MDGA2: variants seen among roughly 807,000 people sequenced by gnomAD.
MDGA2 encodes MAM domain containing glycosylphosphatidylinositol anchor 2.
Under a neutral mutation model 117.8 loss-of-function variants are expected in MDGA2, and 40 were observed. That is an observed-to-expected ratio of 0.34 (90% CI 0.26 to 0.44). The LOEUF is 0.44. MDGA2 is among the 20% of genes least tolerant of loss of function. The probability of loss-of-function intolerance (pLI) is 1.00; values close to 1 mark genes in which losing one functional copy is unlikely to be tolerated. For missense variants in MDGA2, 1,123 were observed against 1,250.6 expected (o/e 0.90, Z 1.54); for synonymous variants, 452 against 439.0 (o/e 1.03, Z -0.37).
chr14:47,258,927 C>T (rs954935654), intron 2 of MDGA2, among the ~76,000 whole-genome samples: 24 of 151,816 alleles, frequency 1.6e-4, no homozygotes, highest in Non-Finnish European at 2.2e-4. Flanking sequence ...CAGTGCCATA[C>T]TAAATCATCA....
Position 47,451,735 on chromosome 14 carries a change from T to G in MDGA2, c.281-150185A>C, listed in dbSNP as rs544012645. Among the ~76,000 whole-genome samples the G allele has an allele frequency of 5.3e-5, 8 of 152,256 alleles. No individual in the cohort carries two copies. The East Asian group carries it at 1.5e-3, about 29-fold the overall frequency. On this transcript the variant is annotated intron_variant, in intron 1 of 16. Coordinates refer to ENST00000399232, the MANE Select transcript of MDGA2 (RefSeq NM_001113498.3). ...GTTCAATATAATGAGATTTCTGTCC[T>G]GCCCAGTGGATTTTTTTATCCTCCT...
At chr14:46,882,871 A>G (rs1882519075) in intron 10 of MDGA2, among the ~76,000 whole-genome samples, 1 of 151,934 alleles carries the variant, frequency 6.6e-6, no homozygotes, top group Non-Finnish European at 1.5e-5. Flanking sequence ...AAGGGTAGGA[A>G]TTTACCATGG....
At chr14:47,434,256 A>G (rs1892854936) in intron 1 of MDGA2, among the ~76,000 whole-genome samples, 1 of 152,132 alleles carries the variant, frequency 6.6e-6, no homozygotes. Flanking sequence ...AATAATACTC[A>G]GATACAGACC....
chr14:47,595,786 T>G (rs182479735), intron 1 of MDGA2, among the ~76,000 whole-genome samples: 3 of 152,110 alleles, frequency 2.0e-5, no homozygotes, highest in African/African-American at 7.2e-5. Context: ...TAGTGACATA[T>G]AGTGATCTCT....
intron 3 of MDGA2, among the ~76,000 whole-genome samples, chr14:47,193,913 G>A (rs997080307): frequency 6.6e-6 from 1 of 152,104 alleles, no homozygotes; most frequent in Non-Finnish European, 1.5e-5. Flanking sequence ...TACTTTAGTC[G>A]TATGGTATAG....
rs1447659028 is a variant in MDGA2, at chr14:47,248,197, A to G, written c.421-30002T>C. ...TTGCTGGGTCAAATGGTATTGTTAA[A>G]TAAGTGAAAAAATAAATAAAAAAAA... On this transcript the variant is annotated intron_variant, in intron 2 of 16. Coordinates refer to ENST00000399232, the MANE Select transcript of MDGA2 (RefSeq NM_001113498.3). Among the ~76,000 whole-genome samples the G allele has an allele frequency of 2.6e-5, 4 of 151,592 alleles. 1 individual carries two copies. Among genetic ancestry groups the G allele is most frequent in the Admixed American group, 1.3e-4 (2 of 15,218 alleles).
chr14:46,984,531 C>T (rs1445617210), intron 8 of MDGA2, among the ~76,000 whole-genome samples: 2 of 151,918 alleles, frequency 1.3e-5, no homozygotes, highest in East Asian at 3.9e-4. Context: ...ATATCAAAAT[C>T]ATGATAGTGG....
intron 1 of MDGA2, among the ~76,000 whole-genome samples, chr14:47,314,721 T>C (rs1233128949): frequency 2.0e-5 from 3 of 151,996 alleles, no homozygotes; most frequent in African/African-American, 7.2e-5. Flanking sequence ...AGGGAAAAGA[T>C]ATGAACAAGT....
chr14:47,252,552 T>C (rs1887481973), intron 2 of MDGA2, among the ~76,000 whole-genome samples: 1 of 152,160 alleles, frequency 6.6e-6, no homozygotes, highest in Admixed American at 6.5e-5. Context: ...TTTTAAAAAA[T>C]TGAATCTGTT....
At chr14:46,866,897 T>A (rs1881790043) in intron 14 of MDGA2, among the ~76,000 whole-genome samples, 1 of 152,146 alleles carries the variant, frequency 6.6e-6, no homozygotes, top group East Asian at 1.9e-4. Context: ...AAACAACAGA[T>A]GCTGGAGAGG....
intron 1 of MDGA2, among the ~76,000 whole-genome samples, chr14:47,486,431 T>C (rs1455361325): frequency 1.3e-5 from 2 of 152,288 alleles, no homozygotes; most frequent in East Asian, 3.9e-4. Flanking sequence ...AAGGGACTTG[T>C]CTTCTCTTGG....
chr14:47,107,556 C>G (rs1880780982), intron 5 of MDGA2, among the ~76,000 whole-genome samples: 1 of 151,994 alleles, frequency 6.6e-6, no homozygotes, highest in African/African-American at 2.4e-5. Flanking sequence ...CGCAAAGCTT[C>G]ACAGACAGCC....
At chr14:47,025,204 T>C (rs1888429124) in intron 8 of MDGA2, among the ~76,000 whole-genome samples, 1 of 152,208 alleles carries the variant, frequency 6.6e-6, no homozygotes, top group East Asian at 1.9e-4. Flanking sequence ...TTTTCCCTAC[T>C]GTACAAGAAT....
intron 1 of MDGA2, among the ~76,000 whole-genome samples, chr14:47,480,953 AT>A (rs1259180082): frequency 6.6e-6 from 1 of 151,964 alleles, no homozygotes; most frequent in Non-Finnish European, 1.5e-5. Flanking sequence ...TATAATGGTA[AT>A]CTTCATCTTG....
chr14:47,584,459 C>CA (rs1356271222), intron 1 of MDGA2, among the ~76,000 whole-genome samples: 8 of 151,898 alleles, frequency 5.3e-5, no homozygotes, highest in African/African-American at 1.9e-4. Flanking sequence ...ATAAATAAGA[C>CA]AGAGCTTTAT....
At chr14:47,216,967 G>T (rs1249638011) in intron 3 of MDGA2, among the ~76,000 whole-genome samples, 1 of 151,982 alleles carries the variant, frequency 6.6e-6, no homozygotes, top group African/African-American at 2.4e-5. Context: ...ATGAAACAAG[G>T]ATTTCTCCCC....
intron 1 of MDGA2, among the ~76,000 whole-genome samples, chr14:47,420,726 C>G (rs1370483057): frequency 6.6e-6 from 1 of 151,982 alleles, no homozygotes; most frequent in Non-Finnish European, 1.5e-5. Context: ...AAGGCCCTTA[C>G]TGTTGTTAAA....
At chr14:47,107,716 T>G (rs1224948886) in intron 5 of MDGA2, among the ~76,000 whole-genome samples, 1 of 151,526 alleles carries the variant, frequency 6.6e-6, no homozygotes, top group Non-Finnish European at 1.5e-5. Context: ...CTTTCCTTCC[T>G]AGGCATGGTT....
chr14:46,999,208 T>TA (rs35609045), intron 8 of MDGA2, among the ~76,000 whole-genome samples: 16,341 of 144,344 alleles, frequency 0.11, 1,087 homozygotes, highest in Middle Eastern at 0.19. Context: ...TCACAGCAGG[T>TA]AAAAAAAAAA....
Sources: gnomAD v4.1 joint callset for allele counts (sites outside exome capture counted in the v4.1 genomes callset) on GRCh38, gnomAD v4.1.1 for gene constraint, MANE v1.5 for transcripts, NCBI Gene and HGNC (gene_info 2026-07-23, HGNC 2026-07-21) for gene names.